PTK2: variants seen among roughly 807,000 people sequenced by gnomAD.
The protein encoded by PTK2 is focal adhesion kinase 1.
A neutral mutation model predicts 150.1 loss-of-function variants in PTK2; 45 were observed. That is an observed-to-expected ratio of 0.30 (90% CI 0.24 to 0.38). The LOEUF (loss-of-function observed/expected upper bound fraction) is 0.38, where lower values mean the gene tolerates loss of function less well. PTK2 is among the 10% of genes least tolerant of loss of function. PTK2 has a pLI of 1.00. For synonymous variants in PTK2, 432 were observed against 449.2 expected, an observed-to-expected ratio of 0.96 and a Z score of 0.48; for missense variants, 919 against 1,307.3, an observed-to-expected ratio of 0.70 and a Z score of 4.58.
At chr8:140,970,319 G>GACC (rs1384694094) in intron 1 of PTK2, among the ~76,000 whole-genome samples, 1 of 152,216 alleles carries the variant, frequency 6.6e-6, no homozygotes, top group Non-Finnish European at 1.5e-5. Flanking sequence ...CTATGCTGGG[G>GACC]ACCAGCTTCT....
intron 16 of PTK2, among the ~76,000 whole-genome samples, chr8:140,760,117 G>T (rs1011125965): frequency 6.6e-6 from 1 of 151,900 alleles, no homozygotes; most frequent in Admixed American, 6.6e-5. Context: ...AGCTGCTCAG[G>T]AGGCTGAGGC....
intron 4 of PTK2, among the ~76,000 whole-genome samples, chr8:140,874,093 T>C (rs917380598): frequency 6.6e-6 from 1 of 152,208 alleles, no homozygotes; most frequent in African/African-American, 2.4e-5. Flanking sequence ...AATGTTGTTG[T>C]TGCTCTTCTT....
At chr8:140,685,350 G>A (rs965960133) in intron 27 of PTK2, among the ~76,000 whole-genome samples, 5 of 152,116 alleles carry the variant, frequency 3.3e-5, no homozygotes, top group African/African-American at 1.2e-4. Context: ...ATTTCATGAC[G>A]AGGACACCAA....
At chr8:140,866,427 G>T (rs2100139319) in intron 4 of PTK2, among the ~76,000 whole-genome samples, 1 of 152,162 alleles carries the variant, frequency 6.6e-6, no homozygotes, top group Non-Finnish European at 1.5e-5. Context: ...CAGGAATTGT[G>T]ACGAGCATTT....
chr8:140,932,685 T>A (rs982235581), intron 1 of PTK2, among the ~76,000 whole-genome samples: 1 of 152,320 alleles, frequency 6.6e-6, no homozygotes, highest in Admixed American at 6.5e-5. Flanking sequence ...CAATAAATTA[T>A]GGATATTTGC....
intron 7 of PTK2, among the ~76,000 whole-genome samples, chr8:140,836,166 C>G (rs949072990): frequency 6.6e-6 from 1 of 152,074 alleles, no homozygotes; most frequent in African/African-American, 2.4e-5. Flanking sequence ...TACTTAGAAG[C>G]TGGGGATGTT....
intron 23 of PTK2, among the ~76,000 whole-genome samples, chr8:140,707,916 G>A (rs948794783): frequency 6.6e-6 from 1 of 152,150 alleles, no homozygotes; most frequent in Non-Finnish European, 1.5e-5. Flanking sequence ...ATCAAGTGAC[G>A]AAACTGACTG....
chr8:140,697,852 G>GTTTTTTTTTTT (rs71308981), intron 26 of PTK2, among the ~76,000 whole-genome samples: 2 of 47,968 alleles, frequency 4.2e-5, no homozygotes, highest in African/African-American at 9.1e-5. Context: ...AGGGTTTACT[G>GTTTTTTTTTTT]TTTTTTTTTT....
chr8:140,898,393 G>C (rs1010166272), intron 2 of PTK2, among the ~76,000 whole-genome samples: 3 of 152,178 alleles, frequency 2.0e-5, no homozygotes, highest in African/African-American at 4.8e-5. Context: ...ATCACTGTAG[G>C]CAAGAGAGCA....
intron 15 of PTK2, among the ~76,000 whole-genome samples, chr8:140,761,530 C>A (rs867065464): frequency 6.6e-6 from 1 of 151,958 alleles, no homozygotes; most frequent in Admixed American, 6.5e-5. Context: ...TTTAAATTTC[C>A]GATTTATTTT....
At chr8:140,750,758 C>A (rs928423557) in intron 17 of PTK2, among the ~76,000 whole-genome samples, 4 of 152,116 alleles carry the variant, frequency 2.6e-5, no homozygotes, top group Non-Finnish European at 5.9e-5. Flanking sequence ...AGAGGAGGCA[C>A]AAACCAAGAG....
At chr8:140,881,250 T>C (rs1362805436) in intron 3 of PTK2, among the ~76,000 whole-genome samples, 1 of 151,906 alleles carries the variant, frequency 6.6e-6, no homozygotes, top group Non-Finnish European at 1.5e-5. Context: ...GTGAAAAGAG[T>C]CCACGTTCTA....
At chr8:140,717,569 C>G (rs769987097) in intron 23 of PTK2, 29 bp downstream of exon 26, 1 of 1,553,516 alleles carries the variant, frequency 6.4e-7, no homozygotes, top group African/African-American at 1.4e-5. Context: ...TAAGAGTAAC[C>G]CCAAAGTTGG....
At chr8:140,916,642 G>C (rs943290370) in intron 2 of PTK2, among the ~76,000 whole-genome samples, 7 of 152,116 alleles carry the variant, frequency 4.6e-5, no homozygotes, top group Non-Finnish European at 1.0e-4. Context: ...AATATCTGTG[G>C]AATGAATGAA....
At chr8:140,685,829 G>A (rs899793859) in intron 27 of PTK2, among the ~76,000 whole-genome samples, 1 of 152,160 alleles carries the variant, frequency 6.6e-6, no homozygotes, top group Admixed American at 6.6e-5. Context: ...GCAATTTGGC[G>A]ATGTCTCAGA....
chr8:140,920,226 T>G (rs1329989660), intron 2 of PTK2, among the ~76,000 whole-genome samples: 1 of 152,184 alleles, frequency 6.6e-6, no homozygotes, highest in Non-Finnish European at 1.5e-5. Flanking sequence ...CATTTTTAAC[T>G]TCTAAATATG....
chr8:140,754,217 G>A (rs1385920910), intron 16 of PTK2, among the ~76,000 whole-genome samples: 1 of 152,206 alleles, frequency 6.6e-6, no homozygotes, highest in African/African-American at 2.4e-5. Context: ...TAATGGTGAC[G>A]TGGTCCTTGG....
At chr8:140,953,441 T>C (rs992721209) in intron 1 of PTK2, among the ~76,000 whole-genome samples, 4 of 152,200 alleles carry the variant, frequency 2.6e-5, no homozygotes, top group African/African-American at 9.7e-5. Flanking sequence ...CCTTGACAGC[T>C]GACCTAACTC....
At chr8:140,675,856 T>G (rs1039356256) in intron 27 of PTK2, 1 of 173,596 alleles carries the variant, frequency 5.8e-6, no homozygotes, top group Non-Finnish European at 1.2e-5. Flanking sequence ...GAACTACTTA[T>G]CAAAGAACTC....
Sources: gnomAD v4.1 joint callset for allele counts (sites outside exome capture counted in the v4.1 genomes callset) on GRCh38, gnomAD v4.1.1 for gene constraint, MANE v1.5 for transcripts, NCBI Gene and HGNC (gene_info 2026-07-23, HGNC 2026-07-21) for gene names.